The following TESC variants were observed in gnomAD, a reference collection of about 807,000 sequenced individuals.
TESC encodes tescalcin.
In TESC, 19 loss-of-function variants were observed where a neutral mutation model predicts 31.0. That is an observed-to-expected ratio of 0.61 (90% CI 0.43 to 0.90). The LOEUF (loss-of-function observed/expected upper bound fraction) is 0.90, where lower values mean the gene tolerates loss of function less well. Ranked by LOEUF, TESC falls within the 40% of genes least tolerant of loss-of-function variation. The pLI is 0.00. For missense variants in TESC, 248 were observed against 303.8 expected (o/e 0.82, Z 1.36); for synonymous variants, 109 against 114.8 (o/e 0.95, Z 0.32).
intron 4 of TESC, among the ~76,000 whole-genome samples, chr12:117,047,341 G>A (rs374526927): frequency 2.6e-5 from 4 of 152,308 alleles, no homozygotes; most frequent in Admixed American, 1.3e-4. Flanking sequence ...GGCGATGGCC[G>A]GGAGGGGGCC....
chr12:117,069,058 G>A (rs1045004269), intron 2 of TESC, among the ~76,000 whole-genome samples: 2 of 151,368 alleles, frequency 1.3e-5, no homozygotes, highest in South Asian at 2.1e-4. Context: ...CCCCCGAATG[G>A]TAGGTGGCTA....
In TESC at chr12:117,046,822, G is replaced by A. The variant is rs376764770; in HGVS notation, c.366C>T (p.Tyr122=). The A allele has an allele frequency of 4.0e-5, 63 of 1,571,584 alleles. 1 individual carries two copies. The African/African-American group carries it at 4.6e-4, about 11-fold the overall frequency. ...TGATGCGGCCGTCGCTGTCCGAGTC[G>A]TACATGTGGAACAGAACTAGGGTGG... ...KEKLRFLFHM[Y]DSDSDGRITL... Residue 122 remains tyrosine, a synonymous_variant, in exon 5 of 8, where the codon TAC becomes TAT. Transcript: ENST00000335209.
chr12:117,064,052 G>T (rs747564949), intron 2 of TESC, among the ~76,000 whole-genome samples: 30 of 152,136 alleles, frequency 2.0e-4, no homozygotes, highest in Non-Finnish European at 3.7e-4. Flanking sequence ...AGCCTCCTGA[G>T]CAGCTGGGAC....
chr12:117,052,185 T>C (rs1343721724), intron 3 of TESC, among the ~76,000 whole-genome samples: 2 of 152,284 alleles, frequency 1.3e-5, no homozygotes, highest in East Asian at 3.9e-4. Flanking sequence ...TTCACTCTTT[T>C]TGCAAAGATG....
chr12:117,065,046 G>A (rs1954856119), intron 2 of TESC, among the ~76,000 whole-genome samples: 1 of 152,238 alleles, frequency 6.6e-6, no homozygotes, highest in African/African-American at 2.4e-5. Flanking sequence ...ATTGGAGATG[G>A]GTGTGGCAGG....
At chr12:117,096,490 C>A (rs1368068317) in intron 1 of TESC, among the ~76,000 whole-genome samples, 3 of 152,130 alleles carry the variant, frequency 2.0e-5, no homozygotes, top group African/African-American at 7.2e-5. Flanking sequence ...GATGACTTGC[C>A]CAAGGTCATG....
rs1321687823 is a variant in TESC, at chr12:117,099,365, C to T, written c.-83G>A. The stretch of plus-strand genomic sequence containing the variant: ...GGCTGCGCAGCGGCGGGACTGGCCT[C>T]GGGTCCGGCCTCGGGTCGGGACGCC... On this transcript the variant is annotated 5_prime_UTR_variant, in exon 1 of 8. Transcript: ENST00000335209. The T allele has an allele frequency of 3.9e-6, 5 of 1,287,012 alleles. No individual in the cohort carries two copies. The highest frequency in any genetic ancestry group is 2.9e-4 in the Middle Eastern group (1 of 3,452). The allele number at this position is 1,287,012 out of a possible 1,614,324, so 79.7% of individuals were successfully genotyped here.
At chr12:117,097,546 G>C (rs1463071054) in intron 1 of TESC, among the ~76,000 whole-genome samples, 4 of 152,106 alleles carry the variant, frequency 2.6e-5, no homozygotes, top group Non-Finnish European at 5.9e-5. Flanking sequence ...GCGAGGAGAG[G>C]GCACATGAGA....
intron 1 of TESC, among the ~76,000 whole-genome samples, chr12:117,092,317 C>T (rs1955323570): frequency 6.6e-6 from 1 of 152,330 alleles, no homozygotes; most frequent in East Asian, 1.9e-4. Flanking sequence ...CAGGGTCCCG[C>T]TCTGTGGCTG....
In TESC at chr12:117,075,322, T is replaced by A. The variant is rs1955034246; in HGVS notation, c.77A>T (p.Glu26Val). Residue 26 changes from glutamate to valine, a missense_variant, in exon 2 of 8, where the codon GAG becomes GTG. By Grantham distance (121) the Glu-to-Val change is moderately radical (BLOSUM62 -2). Coordinates refer to ENST00000335209, the MANE Select transcript of TESC (RefSeq NM_017899.4). Reference sequence around the variant, plus strand: ...CTGCTTAAATCTCCGATGGAGCTGCTCGATCTGATCCGATGAGACTGAGAA... The same window carrying A: ...CTGCTTAAATCTCCGATGGAGCTGCACGATCTGATCCGATGAGACTGAGAA... Reference protein sequence around the residue: ...GKTGFSSDQIEQLHRRFKQLS... With the variant: ...GKTGFSSDQIVQLHRRFKQLS... 3 of 1,610,792 alleles carry A rather than the reference T, an allele frequency of 1.9e-6. No individual in the cohort carries two copies. The highest frequency in any genetic ancestry group is 2.5e-6 in the Non-Finnish European group (3 of 1,179,816).
At chr12:117,039,627 T>A (rs543813486) in intron 7 of TESC, among the ~76,000 whole-genome samples, 27 of 152,314 alleles carry the variant, frequency 1.8e-4, no homozygotes, top group African/African-American at 6.5e-4. Flanking sequence ...CCCGTCCTCA[T>A]CATGGACGCG....
chr12:117,057,224 A>G (rs1954738581), intron 2 of TESC, among the ~76,000 whole-genome samples: 1 of 152,024 alleles, frequency 6.6e-6, no homozygotes, highest in African/African-American at 2.4e-5. Flanking sequence ...TCAGCCTCCC[A>G]AGTAGCTGGG....
At position 117,039,104 on chromosome 12, in the gene TESC, T is replaced by G. The variant is rs765673071; in HGVS notation, c.*29A>C. On this transcript the variant is annotated 3_prime_UTR_variant, in exon 8 of 8. Coordinates refer to ENST00000335209, the MANE Select transcript of TESC (RefSeq NM_017899.4). ...GCGGGGAGGCGGCCCCATTGCAAAG[T>G]GCAGTTTCTCCGCGGAGGTGGCGGT... is the stretch of plus-strand genomic sequence containing the variant. 9.3e-6 allele frequency: 15 copies of G among 1,611,604 alleles called. No homozygotes were observed. In the East Asian group the frequency reaches 3.1e-4, roughly 34 times the overall value.
chr12:117,081,005 G>A (rs756644702), intron 1 of TESC, among the ~76,000 whole-genome samples: 20 of 152,328 alleles, frequency 1.3e-4, no homozygotes, highest in South Asian at 4.1e-4. Context: ...GTTCCTGGCA[G>A]CTGGACCTCA....
intron 1 of TESC, among the ~76,000 whole-genome samples, chr12:117,075,847 GTATA>G (rs57455838): frequency 0.029 from 1,950 of 67,110 alleles, 134 homozygotes; most frequent in African/African-American, 0.066. Flanking sequence ...GTGTGTGTGT[GTATA>G]TATATATATA....
intron 1 of TESC, among the ~76,000 whole-genome samples, chr12:117,080,467 G>GCACACACGTGCAAATTCACATA (rs1955130771): frequency 6.6e-6 from 1 of 152,086 alleles, no homozygotes; most frequent in Non-Finnish European, 1.5e-5. Flanking sequence ...AAAAGAACAT[G>GCACACACGTGCAAATTCACATA]CACACACGTG....
intron 4 of TESC, among the ~76,000 whole-genome samples, chr12:117,048,519 C>CTT (rs1954600556): frequency 1.3e-5 from 2 of 152,156 alleles, no homozygotes; most frequent in Admixed American, 1.3e-4. Flanking sequence ...ACTGAACCCA[C>CTT]TCGGGAGCCA....
intron 3 of TESC, among the ~76,000 whole-genome samples, chr12:117,049,716 C>T (rs1428485193): frequency 1.3e-5 from 2 of 152,126 alleles, no homozygotes; most frequent in African/African-American, 4.8e-5. Flanking sequence ...GCCTGGCCAA[C>T]ATGATGACAC....
chr12:117,047,760 G>A (rs1425217970), intron 4 of TESC, among the ~76,000 whole-genome samples: 1 of 151,690 alleles, frequency 6.6e-6, no homozygotes, highest in African/African-American at 2.4e-5. Context: ...ATTTTTTTCA[G>A]AGATGGGGTC....
Sources: allele counts gnomAD v4.1 joint callset (sites outside exome capture counted in the v4.1 genomes callset), GRCh38; gene constraint gnomAD v4.1.1; transcripts MANE v1.5; gene names NCBI Gene and HGNC (gene_info 2026-07-23, HGNC 2026-07-21).